The following GRM4 variants were observed in gnomAD, a reference collection of about 807,000 sequenced individuals.
GRM4 encodes the protein metabotropic glutamate receptor 4.
A neutral mutation model predicts 81.7 loss-of-function variants in GRM4; 28 were observed. The observed-to-expected ratio is 0.34, with a 90% CI of 0.25 to 0.47. The LOEUF (loss-of-function observed/expected upper bound fraction) is 0.47, where lower values mean the gene tolerates loss of function less well. Among genes scored for constraint, GRM4 ranks in the 20% least tolerant of loss-of-function variants. The pLI is 1.00. For missense variants in GRM4, 948 were observed against 1,290.0 expected (o/e 0.73, Z 4.06); for synonymous variants, 488 against 528.8 (o/e 0.92, Z 1.06).
At position 34,035,644 on chromosome 6, in the gene GRM4, C is replaced by CGG; in HGVS notation, c.2442+23_2442+24insCC. ...CTCACTGCCCTCACCTACCCACCGT[C>CGG]CACCCCCGGCCCCCACCACTCACCT... On this transcript the variant is annotated intron_variant, in intron 9 of 10. Transcript: ENST00000538487. The surrounding 1 kb of genome is among the most constrained non-coding windows in gnomAD (Gnocchi z 6.6). The CGG allele has an allele frequency of 1.6e-6, 2 of 1,221,154 alleles. No individual in the cohort carries two copies. Among genetic ancestry groups the CGG allele is most frequent in the Non-Finnish European group, 1.2e-6 (1 of 852,898 alleles). 75.6% of individuals were successfully genotyped at this position (1,221,154 alleles called of 1,614,324 possible).
chr6:34,028,305 C>T lies in GRM4; in HGVS notation c.2504G>A (p.Gly835Glu). The change falls in exon 10 of 11, where the codon GGA becomes GAA. Residue 835 changes from glycine to glutamate, a missense_variant. Coordinates refer to ENST00000538487, the MANE Select transcript of GRM4 (RefSeq NM_000841.4). ...SVSLSASVSL[G>E]MLYMPKVYII... ...GTAGACTTTGGGCATGTAGAGCATT[C>T]CCAGGGACACCGAGGCGCTCAGACT... is the stretch of plus-strand genomic sequence containing the variant. 6.2e-7 allele frequency: 1 copy of T among 1,613,560 alleles called. No homozygotes were observed. The highest frequency in any genetic ancestry group is 8.5e-7 in the Non-Finnish European group (1 of 1,179,986).
chr6:34,055,817 C>A (rs1012804404), intron 6 of GRM4: 8 of 152,260 alleles, frequency 5.3e-5, no homozygotes, highest in African/African-American at 1.7e-4. Flanking sequence ...CTCCTCTAAG[C>A]CTCGGTTCTC....
intron 2 of GRM4, among the ~76,000 whole-genome samples, chr6:34,127,344 C>T (rs1770061905): frequency 6.6e-6 from 1 of 152,158 alleles, no homozygotes. Context: ...GACAGCAAGG[C>T]AAGCAGGTGC....
intron 4 of GRM4, chr6:34,061,591 A>T: frequency 3.2e-6 from 1 of 311,212 alleles, no homozygotes; most frequent in Non-Finnish European, 6.0e-6. Context: ...CAGCATTAGA[A>T]CCTAAGTGGT....
At chr6:34,091,155 C>T (rs1289810466) in intron 3 of GRM4, among the ~76,000 whole-genome samples, 1 of 152,202 alleles carries the variant, frequency 6.6e-6, no homozygotes, top group African/African-American at 2.4e-5. Context: ...AGCACAGACC[C>T]AGCCAGGGGC....
In GRM4 at chr6:34,068,611, A is replaced by G. The variant is rs1002653664; in HGVS notation, c.737-6583T>C. On this transcript the variant is annotated intron_variant, in intron 3 of 10. Coordinates refer to ENST00000538487, the MANE Select transcript of GRM4 (RefSeq NM_000841.4). This position sits in a 1 kb window ranked among gnomAD's most constrained non-coding sequence, Gnocchi z 4.2. ...GCCTCCAGATCACCTGCCTTCAAAG[A>G]CCCATCCCCCCGCACCACCACTTGT... Among the ~76,000 whole-genome samples the G allele has an allele frequency of 6.6e-6, 1 of 151,834 alleles. No individual in the cohort carries two copies. Among genetic ancestry groups the G allele is most frequent in the African/African-American group, 2.4e-5 (1 of 41,282 alleles).
chr6:34,109,055 G>A (rs1769256188), intron 2 of GRM4, among the ~76,000 whole-genome samples: 1 of 152,212 alleles, frequency 6.6e-6, no homozygotes, highest in Non-Finnish European at 1.5e-5. Context: ...GGACTAGAGA[G>A]AAGTTGCCAT....
upstream of GRM4, among the ~76,000 whole-genome samples, chr6:34,148,721 G>C (rs1561840277): frequency 6.6e-6 from 1 of 152,226 alleles, no homozygotes; most frequent in African/African-American, 2.4e-5. Context: ...ACCATGTGAC[G>C]TGGGGGAGCC....
intron 2 of GRM4, among the ~76,000 whole-genome samples, chr6:34,113,951 TC>T (rs1292557310): frequency 4.6e-5 from 7 of 152,052 alleles, no homozygotes; most frequent in Non-Finnish European, 8.8e-5. Flanking sequence ...ACCCCCTTGC[TC>T]CTCAGATGGG....
intron 10 of GRM4, chr6:34,024,772 C>T: frequency 2.2e-6 from 1 of 455,852 alleles, no homozygotes; most frequent in Non-Finnish European, 4.4e-6. Context: ...TGGTGGTGGG[C>T]AAGTTTCAAG....
At position 34,059,065 on chromosome 6, in the gene GRM4, G is replaced by A. The variant is rs770791931; in HGVS notation, c.936C>T (p.Asp312=). ...CAGGTGCAATCTTGGAGCCCCAGCT[G>A]TCAGAGCCCATCCAGAAGAAATGGC... ...QTGHFFWMGS[D]SWGSKIAPVL... is the part of the protein sequence containing the mutation. Residue 312 remains aspartate, a synonymous_variant, in exon 5 of 11, where the codon GAC becomes GAT. Coordinates refer to ENST00000538487, the MANE Select transcript of GRM4 (RefSeq NM_000841.4). This position sits in a 1 kb window ranked among gnomAD's most constrained non-coding sequence, Gnocchi z 5.7. The A allele has an allele frequency of 5.5e-5, 88 of 1,613,826 alleles. No individual in the cohort carries two copies. Among genetic ancestry groups the A allele is most frequent in the Non-Finnish European group, 7.3e-5 (86 of 1,179,924 alleles).
At chr6:34,079,204 C>T (rs931242890) in intron 3 of GRM4, among the ~76,000 whole-genome samples, 2 of 152,226 alleles carry the variant, frequency 1.3e-5, no homozygotes, top group Non-Finnish European at 2.9e-5. Flanking sequence ...CCAGCCCACC[C>T]GCCTCACGTC....
At chr6:34,146,286 TC>T, upstream of GRM4, 1 of 286,818 alleles carries the variant, frequency 3.5e-6, no homozygotes, top group East Asian at 1.7e-4. Flanking sequence ...TCACAGCCTG[TC>T]CAGGGGACAC....
At chr6:34,031,664 C>T (rs572686086) in intron 9 of GRM4, among the ~76,000 whole-genome samples, 4 of 152,260 alleles carry the variant, frequency 2.6e-5, no homozygotes, top group East Asian at 3.9e-4. Context: ...AGTAACCCCA[C>T]GTAGTGGAGA....
chr6:34,138,249 G>A (rs574871208), intron 1 of GRM4, among the ~76,000 whole-genome samples: 3 of 152,106 alleles, frequency 2.0e-5, no homozygotes, highest in Non-Finnish European at 4.4e-5. Context: ...ACTCAGGCCC[G>A]AGCCCCTTGG....
intron 2 of GRM4, among the ~76,000 whole-genome samples, chr6:34,131,100 T>A (rs745373303): frequency 2.0e-5 from 3 of 152,132 alleles, no homozygotes; most frequent in Non-Finnish European, 2.9e-5. Context: ...CCCAGCCAGC[T>A]CCTCCTCTCC....
At chr6:34,108,430 C>T (rs1202619251) in intron 2 of GRM4, among the ~76,000 whole-genome samples, 5 of 152,238 alleles carry the variant, frequency 3.3e-5, no homozygotes, top group Non-Finnish European at 7.3e-5. Flanking sequence ...AGGGGACTTG[C>T]CCAGAGATAC....
intron 6 of GRM4, among the ~76,000 whole-genome samples, chr6:34,046,706 C>A (rs539518064): frequency 2.0e-5 from 3 of 152,148 alleles, no homozygotes; most frequent in African/African-American, 7.2e-5. Flanking sequence ...GCTGGGGCAG[C>A]GATAGCATCT....
At position 34,036,583 on chromosome 6, in the gene GRM4, C is replaced by T. The variant is rs200709219; in HGVS notation, c.1527G>A (p.Pro509=). ...AGCGGGGCAGCTGCTGCCCGCTCCC[C>T]GGCCAGTGCATCCGCTCTATCTGGC... The part of the protein sequence containing the change: ...LHLRIERMHW[P]GSGQQLPRSI... Residue 509 remains proline (P), a synonymous_variant, in exon 9 of 11, where the codon CCG becomes CCA. Coordinates refer to ENST00000538487, the MANE Select transcript of GRM4 (RefSeq NM_000841.4). This position sits in a 1 kb window ranked among gnomAD's most constrained non-coding sequence, Gnocchi z 9.0. 4.6e-5 allele frequency: 72 copies of T among 1,580,342 alleles called. No homozygotes were observed. The East Asian group carries it at 8.5e-4, about 19-fold the overall frequency.
Sources: gnomAD v4.1 joint callset for allele counts (sites outside exome capture counted in the v4.1 genomes callset) on GRCh38, gnomAD v4.1.1 for gene constraint, Gnocchi (gnomAD v3.1) non-coding constraint, MANE v1.5 for transcripts, NCBI Gene and HGNC (gene_info 2026-07-23, HGNC 2026-07-21) for gene names.